NCAM2: variants seen among roughly 807,000 people sequenced by gnomAD.
NCAM2 encodes the protein N-CAM-2.
In NCAM2, 30 loss-of-function variants were observed where a neutral mutation model predicts 98.1. The observed-to-expected ratio is 0.31, with a 90% CI of 0.23 to 0.41. The LOEUF (loss-of-function observed/expected upper bound fraction) is 0.41, where lower values mean the gene tolerates loss of function less well. NCAM2 is among the 10% of genes least tolerant of loss of function. The pLI, the probability that NCAM2 is intolerant of heterozygous loss-of-function variation, is 1.00. For synonymous variants in NCAM2, 368 were observed against 342.4 expected, an observed-to-expected ratio of 1.07 and a Z score of -0.83; for missense variants, 867 against 1,005.8, an observed-to-expected ratio of 0.86 and a Z score of 1.87.
At chr21:21,085,474 C>T (rs1175325698) in intron 1 of NCAM2, among the ~76,000 whole-genome samples, 1 of 152,046 alleles carries the variant, frequency 6.6e-6, no homozygotes, top group African/African-American at 2.4e-5. Flanking sequence ...ATGTTGCTGT[C>T]TCATGCTCGT....
At chr21:21,021,432 A>G (rs2064433797) in intron 1 of NCAM2, among the ~76,000 whole-genome samples, 1 of 152,172 alleles carries the variant, frequency 6.6e-6, no homozygotes, top group Admixed American at 6.5e-5. Context: ...ACTTCCGTGT[A>G]AAGCCTGGAG....
intron 1 of NCAM2, among the ~76,000 whole-genome samples, chr21:21,044,864 C>A (rs1353233827): frequency 6.6e-6 from 1 of 151,944 alleles, no homozygotes; most frequent in Non-Finnish European, 1.5e-5. Context: ...ACTTAGGAGG[C>A]TGAGGTAAGG....
intron 5 of NCAM2, among the ~76,000 whole-genome samples, chr21:21,312,230 T>G (rs2074078082): frequency 2.0e-5 from 3 of 152,076 alleles, no homozygotes; most frequent in South Asian, 4.1e-4. Context: ...AATTTTGTTG[T>G]TTTTTTGTTT....
rs772941307 is a variant in NCAM2 at position 21,432,150 on chromosome 21, C to T, written c.1523C>T (p.Ser508Leu). 8.7e-6 allele frequency: 14 copies of T among 1,613,906 alleles called. No homozygotes were observed. The African/African-American group carries it at 9.3e-5, about 11-fold the overall frequency. ...SPYGVKIIEL[S>L]QTTAKVSFNK... ...TATGGAGTGAAGATCATAGAGCTGT[C>T]GCAGACCACGGCCAAGGTTTCCTTC... is the stretch of plus-strand genomic sequence containing the variant. Residue 508 changes from serine (S) to leucine (L), a missense_variant, in exon 12 of 18, where the codon TCG (serine) becomes TTG (leucine). Transcript: ENST00000400546.
intron 5 of NCAM2, among the ~76,000 whole-genome samples, chr21:21,311,912 T>C (rs1318341521): frequency 6.6e-6 from 1 of 152,194 alleles, no homozygotes; most frequent in Non-Finnish European, 1.5e-5. Flanking sequence ...TGAAGGTTCC[T>C]TGAGTTTATA....
At chr21:21,004,998 G>C (rs946673517) in intron 1 of NCAM2, among the ~76,000 whole-genome samples, 5 of 152,122 alleles carry the variant, frequency 3.3e-5, no homozygotes, top group Non-Finnish European at 5.9e-5. Flanking sequence ...CAAATTGTAA[G>C]AAGGGAGGGG....
intron 9 of NCAM2, among the ~76,000 whole-genome samples, chr21:21,394,548 G>T (rs2076458980): frequency 7.7e-6 from 1 of 129,260 alleles, no homozygotes; most frequent in South Asian, 2.5e-4. Context: ...GACTGCAGTG[G>T]TGCAATCTTG....
intron 8 of NCAM2, among the ~76,000 whole-genome samples, chr21:21,343,191 A>G (rs1270392797): frequency 6.6e-6 from 1 of 152,168 alleles, no homozygotes; most frequent in Non-Finnish European, 1.5e-5. Context: ...AAATACATAT[A>G]TGTAAAAAAT....
At chr21:21,491,706 G>T (rs767098261) in intron 15 of NCAM2, among the ~76,000 whole-genome samples, 1 of 151,186 alleles carries the variant, frequency 6.6e-6, no homozygotes, top group Non-Finnish European at 1.5e-5. Context: ...GGATTGTTTT[G>T]GAGCATATTT....
At chr21:21,377,767 A>G (rs966332977) in intron 9 of NCAM2, among the ~76,000 whole-genome samples, 31 of 151,684 alleles carry the variant, frequency 2.0e-4, no homozygotes, top group African/African-American at 6.3e-4. Context: ...CTATGCAATA[A>G]CTCTCAAAAC....
intron 1 of NCAM2, among the ~76,000 whole-genome samples, chr21:21,135,305 T>G (rs999532003): frequency 6.7e-6 from 1 of 149,032 alleles, no homozygotes; most frequent in African/African-American, 2.5e-5. Context: ...CCTCCCAAAA[T>G]GCTGGGACTA....
intron 1 of NCAM2, among the ~76,000 whole-genome samples, chr21:21,216,334 G>T (rs147342633): frequency 2.0e-5 from 3 of 152,172 alleles, no homozygotes; most frequent in Non-Finnish European, 4.4e-5. Context: ...AACTAGAGCA[G>T]ATGTAGGGTA....
chr21:21,216,849 C>T (rs2069923561), intron 1 of NCAM2, among the ~76,000 whole-genome samples: 1 of 152,134 alleles, frequency 6.6e-6, no homozygotes, highest in South Asian at 2.1e-4. Context: ...GGGTAATAGG[C>T]CAGAGCCACA....
chr21:21,280,508 A>G (rs2072889986), intron 1 of NCAM2, 70 bp from the exon 2 acceptor site: 3 of 1,046,612 alleles, frequency 2.9e-6, no homozygotes, highest in Non-Finnish European at 4.3e-6. Context: ...TGTGGTTTAG[A>G]CATCATGCAT....
At chr21:21,194,499 T>G (rs1364818784) in intron 1 of NCAM2, among the ~76,000 whole-genome samples, 1 of 152,136 alleles carries the variant, frequency 6.6e-6, no homozygotes, top group Non-Finnish European at 1.5e-5. Context: ...TAGTTTACAC[T>G]AGTAAGGGGC....
intron 1 of NCAM2, among the ~76,000 whole-genome samples, chr21:21,115,294 T>A (rs536782193): frequency 1.3e-5 from 2 of 152,212 alleles, no homozygotes; most frequent in African/African-American, 4.8e-5. Flanking sequence ...GGCATTACCC[T>A]TCAGTGTCTT....
intron 1 of NCAM2, among the ~76,000 whole-genome samples, chr21:21,063,243 C>T (rs113381582): frequency 8.5e-5 from 8 of 94,030 alleles, no homozygotes; most frequent in East Asian, 5.6e-4. Context: ...TTTTTTGAGC[C>T]GGAGTCTCAC....
intron 15 of NCAM2, among the ~76,000 whole-genome samples, chr21:21,489,834 A>G (rs1170860546): frequency 2.0e-5 from 3 of 152,074 alleles, no homozygotes; most frequent in Admixed American, 2.0e-4. Context: ...AAAAATTAAC[A>G]CTTATTAACT....
In NCAM2 at chr21:21,455,994, G is replaced by C. The variant is rs140407104; in HGVS notation, c.1655-10612G>C. Among the ~76,000 whole-genome samples the C allele has an allele frequency of 3.0e-3, 454 of 152,032 alleles. 3 individuals are homozygous for C. Among genetic ancestry groups the C allele is most frequent in the African/African-American group, 0.011 (437 of 41,508 alleles). On this transcript the variant is annotated intron_variant, in intron 12 of 17. Coordinates refer to ENST00000400546, the MANE Select transcript of NCAM2 (RefSeq NM_004540.5). ...TATTAAAAATTCTTTCAAAATAAGA[G>C]AGAAAACTTTAAAAAAAGAAACAAA...
Sources: gnomAD v4.1 joint callset for allele counts (sites outside exome capture counted in the v4.1 genomes callset) on GRCh38, gnomAD v4.1.1 for gene constraint, MANE v1.5 for transcripts, NCBI Gene and HGNC (gene_info 2026-07-23, HGNC 2026-07-21) for gene names.